ZNF407: variants seen among roughly 807,000 people sequenced by gnomAD.
ZNF407 encodes the protein zinc finger protein 407.
A neutral mutation model predicts 131.2 loss-of-function variants in ZNF407; 17 were observed. The ratio of observed to expected loss-of-function variants is 0.13; its 90% CI spans 0.09 to 0.19. The LOEUF (loss-of-function observed/expected upper bound fraction) is 0.19, where lower values mean the gene tolerates loss of function less well. Among genes scored for constraint, ZNF407 ranks in the 10% least tolerant of loss-of-function variants. ZNF407 has a pLI of 1.00. For synonymous variants in ZNF407, 1,156 were observed against 1,062.0 expected (o/e 1.09, Z -1.72); for missense variants, 2,681 against 2,830.6 (o/e 0.95, Z 1.20).
At chr18:74,931,823 T>G (rs561077982) in intron 8 of ZNF407, among the ~76,000 whole-genome samples, 32 of 152,372 alleles carry the variant, frequency 2.1e-4, no homozygotes, top group African/African-American at 7.5e-4. Context: ...CATGATTATT[T>G]GACATCTGTA....
chr18:75,057,004 T>C (rs1042178113), intron 8 of ZNF407, among the ~76,000 whole-genome samples: 2 of 152,232 alleles, frequency 1.3e-5, no homozygotes, highest in Admixed American at 6.5e-5. Context: ...AAAAATTATA[T>C]GTGGCTTAAG....
At chr18:74,688,856 T>G in intron 3 of ZNF407, among the ~76,000 whole-genome samples, 1 of 152,068 alleles carries the variant, frequency 6.6e-6, no homozygotes, top group African/African-American at 2.4e-5. Flanking sequence ...TCAGACAGAG[T>G]CTCGCTCTGT....
At chr18:74,980,283 C>A (rs1285562841) in intron 8 of ZNF407, among the ~76,000 whole-genome samples, 2 of 147,626 alleles carry the variant, frequency 1.4e-5, no homozygotes, top group Non-Finnish European at 3.0e-5. Flanking sequence ...TTTAAAGAGT[C>A]ACTGGACACA....
chr18:74,889,224 T>C (rs1258965310), intron 6 of ZNF407, among the ~76,000 whole-genome samples: 1 of 152,204 alleles, frequency 6.6e-6, no homozygotes, highest in African/African-American at 2.4e-5. Flanking sequence ...TGCAGTCGCC[T>C]AGTCACGCAT....
chr18:74,652,576 G>C (rs757625896), intron 3 of ZNF407, among the ~76,000 whole-genome samples: 8 of 151,944 alleles, frequency 5.3e-5, no homozygotes, highest in Non-Finnish European at 8.8e-5. Flanking sequence ...GACCAGCAGA[G>C]GGCAATATTA....
intron 8 of ZNF407, among the ~76,000 whole-genome samples, chr18:75,060,631 G>A (rs1006015450): frequency 1.5e-4 from 21 of 144,512 alleles, no homozygotes; most frequent in East Asian, 4.4e-4. Context: ...TCAGCCTCCC[G>A]AGTAGCTGGG....
intron 8 of ZNF407, among the ~76,000 whole-genome samples, chr18:75,043,371 G>A (rs1973395983): frequency 6.6e-6 from 1 of 152,182 alleles, no homozygotes; most frequent in South Asian, 2.1e-4. Flanking sequence ...CTCTGGACCT[G>A]CACAGGTCAT....
chr18:74,952,402 T>C (rs1424190816), intron 8 of ZNF407, among the ~76,000 whole-genome samples: 1 of 152,216 alleles, frequency 6.6e-6, no homozygotes, highest in Non-Finnish European at 1.5e-5. Context: ...GTTTAGGAAC[T>C]GGCCCAAGTT....
intron 4 of ZNF407, among the ~76,000 whole-genome samples, chr18:74,803,189 A>C (rs1012979222): frequency 6.6e-6 from 1 of 152,212 alleles, no homozygotes; most frequent in Non-Finnish European, 1.5e-5. Context: ...TGCTTCACTC[A>C]ATCCTGAGCT....
Position 75,063,438 on chromosome 18 carries a change from C to T in ZNF407, c.5717C>T (p.Thr1906Met), listed in dbSNP as rs746444870. The T allele has an allele frequency of 3.1e-5, 50 of 1,608,892 alleles. No individual in the cohort carries two copies. Among genetic ancestry groups the T allele is most frequent in the South Asian group, 3.0e-4 (27 of 90,524 alleles). Residue 1906 changes from threonine (T) to methionine (M), a missense_variant, in exon 9 of 9, where the codon ACG becomes ATG. This residue lies in a region of ZNF407 where 620 missense variants were observed against 583.1 expected (regional missense o/e 1.06). Transcript: ENST00000299687. The surrounding 1 kb of genome is among the most constrained non-coding windows in gnomAD (Gnocchi z 6.6). ...AGQVARVVHI[T>M]EDGQVIATSQ... ...CAGGTGGCCCGGGTGGTGCATATCA[C>T]GGAGGATGGCCAGGTCATCGCCACG...
At chr18:74,988,488 A>G (rs367601220) in intron 8 of ZNF407, among the ~76,000 whole-genome samples, 77 of 150,936 alleles carry the variant, frequency 5.1e-4, no homozygotes, top group South Asian at 2.9e-3. Flanking sequence ...ATATAGATAG[A>G]TATAAAATAG....
intron 4 of ZNF407, among the ~76,000 whole-genome samples, chr18:74,869,622 G>A (rs1393257738): frequency 6.6e-6 from 1 of 152,166 alleles, no homozygotes; most frequent in Non-Finnish European, 1.5e-5. Context: ...CTTTTACCCT[G>A]TATAGATGGG....
At chr18:74,890,289 T>G (rs566892033) in intron 7 of ZNF407, among the ~76,000 whole-genome samples, 5 of 152,094 alleles carry the variant, frequency 3.3e-5, no homozygotes, top group African/African-American at 9.6e-5. Flanking sequence ...AGAGCCTCTT[T>G]CGTTATCAAC....
rs898981333 is a variant in ZNF407, at chr18:74,788,644, A to G, written c.4877+7142A>G. Reference sequence around the variant, plus strand: ...AAAAAAAAAAACACCACCACAGTTTACTACTTTAGTAGAAATTATCATGCT... The same window carrying G: ...AAAAAAAAAAACACCACCACAGTTTGCTACTTTAGTAGAAATTATCATGCT... On this transcript the variant is annotated intron_variant, in intron 4 of 8. Coordinates refer to ENST00000299687, the MANE Select transcript of ZNF407 (RefSeq NM_017757.3). Among the ~76,000 whole-genome samples the G allele has an allele frequency of 3.9e-4, 58 of 149,540 alleles. 1 individual carries two copies. Among genetic ancestry groups the G allele is most frequent in the African/African-American group, 1.4e-3 (56 of 40,956 alleles).
At chr18:75,034,623 G>C (rs1454606614) in intron 8 of ZNF407, among the ~76,000 whole-genome samples, 3 of 151,500 alleles carry the variant, frequency 2.0e-5, no homozygotes, top group Non-Finnish European at 4.4e-5. Flanking sequence ...TTTAAATCAG[G>C]CTTCATTGGT....
intron 1 of ZNF407, among the ~76,000 whole-genome samples, chr18:74,609,356 C>T (rs1268741275): frequency 1.3e-5 from 2 of 152,162 alleles, no homozygotes; most frequent in Non-Finnish European, 2.9e-5. Flanking sequence ...CTGCTACACA[C>T]CTGGGCTATA....
chr18:74,914,207 G>A lies in ZNF407; in HGVS notation c.5250-6307G>A, dbSNP rs372300738. ...CCTTCCAGCAGGCTTCCTGCTCGTC[G>A]TGAGGAACGTCTTTCACCTGTGAGG... On this transcript the variant is annotated intron_variant, in intron 7 of 8. Transcript: ENST00000299687. Among the ~76,000 whole-genome samples the A allele has an allele frequency of 9.8e-4, 149 of 152,314 alleles. 1 individual carries two copies. The highest frequency in any genetic ancestry group is 9.3e-4 in the Non-Finnish European group (63 of 68,032).
chr18:74,845,236 TCTC>T (rs1173156924), intron 4 of ZNF407, among the ~76,000 whole-genome samples: 2 of 152,220 alleles, frequency 1.3e-5, no homozygotes, highest in East Asian at 1.9e-4. Context: ...ATGCTAAAGT[TCTC>T]CTCCTTGAGT....
chr18:74,602,639 A>C (rs1318677256), intron 1 of ZNF407, among the ~76,000 whole-genome samples: 1 of 152,146 alleles, frequency 6.6e-6, no homozygotes, highest in East Asian at 1.9e-4. Context: ...GGACACTCAA[A>C]TTTAGGATAA....
Sources: gnomAD v4.1 joint callset for allele counts (sites outside exome capture counted in the v4.1 genomes callset) on GRCh38, gnomAD v4.1.1 for gene constraint, gnomAD v4.1.1 regional missense constraint, Gnocchi (gnomAD v3.1) non-coding constraint, MANE v1.5 for transcripts, NCBI Gene and HGNC (gene_info 2026-07-23, HGNC 2026-07-21) for gene names.